The following TNMD variants were observed in gnomAD, a reference collection of about 807,000 sequenced individuals.
TNMD encodes tenomodulin.
TNMD carries 15 observed loss-of-function variants against 26.9 expected under a neutral mutation model. The observed-to-expected ratio is 0.56, with a 90% CI of 0.37 to 0.86. The LOEUF (loss-of-function observed/expected upper bound fraction) is 0.86, where lower values mean the gene tolerates loss of function less well. TNMD is among the 40% of genes least tolerant of loss of function. The pLI, the probability that TNMD is intolerant of heterozygous loss-of-function variation, is 0.00. For missense variants in TNMD, 222 were observed against 242.6 expected, an observed-to-expected ratio of 0.92 and a Z score of 0.56; for synonymous variants, 73 against 77.0, an observed-to-expected ratio of 0.95 and a Z score of 0.27.
intron 5 of TNMD, 167 bp downstream of exon 5, chrX:100,597,824 A>T (rs2082957279): frequency 2.0e-6 from 1 of 487,858 alleles, no homozygotes; most frequent in Non-Finnish European, 3.4e-6. Flanking sequence ...TTTCACAGCC[A>T]AGTTATAAAT....
rs1274078938 is a variant in TNMD at position 100,597,657 on chromosome X, G to A, written c.577G>A (p.Val193Ile). ...MYWINPTLIS[V>I]SELQDFEEEG... The stretch of plus-strand genomic sequence containing the variant: ...TTGGATCAATCCCACTCTAATATCA[G>A]GTATGACATTCTTATCCTCATCCTC... The change falls in exon 5 of 7, where the codon GTT becomes ATT. Residue 193 changes from valine to isoleucine, a missense_variant and splice_region_variant. Physicochemically the swap from Val to Ile is conservative, Grantham distance 29. Coordinates refer to ENST00000373031, the MANE Select transcript of TNMD (RefSeq NM_022144.3). The A allele has an allele frequency of 1.7e-6, 2 of 1,205,277 alleles. No individual in the cohort carries two copies. The highest frequency in any genetic ancestry group is 1.8e-5 in the South Asian group (1 of 56,755).
intron 2 of TNMD, among the ~76,000 whole-genome samples, chrX:100,591,172 ACTCT>A (rs904016730): frequency 2.7e-5 from 3 of 110,716 alleles, no homozygotes; most frequent in Admixed American, 9.6e-5. Flanking sequence ...CCAAAAATTA[ACTCT>A]CTCTATTTTC....
chrX:100,594,335 T>A lies in TNMD; in HGVS notation c.396T>A (p.Phe132Leu). 8.4e-7 allele frequency: 1 copy of A among 1,194,511 alleles called. No homozygotes were observed. The highest frequency in any genetic ancestry group is 1.1e-6 in the Non-Finnish European group (1 of 884,298). Residue 132 changes from phenylalanine (F) to leucine (L), a missense_variant, in exon 4 of 7, where the codon TTT becomes TTA. Coordinates refer to ENST00000373031, the MANE Select transcript of TNMD (RefSeq NM_022144.3). ...CTCAGATTAAAGTGATTCCTGAATTTTCTGAACCAGAAGAGGAAATAGATG... is the reference window on the plus strand; with the variant it reads ...CTCAGATTAAAGTGATTCCTGAATTATCTGAACCAGAAGAGGAAATAGATG... ...IKTQIKVIPEFSEPEEEIDEN... is the reference protein window; with the variant it reads ...IKTQIKVIPELSEPEEEIDEN...
At chrX:100,591,464 G>C (rs1397482083) in intron 2 of TNMD, among the ~76,000 whole-genome samples, 1 of 112,108 alleles carries the variant, frequency 8.9e-6, no homozygotes, top group Non-Finnish European at 1.9e-5. Flanking sequence ...ATACGGGCCA[G>C]TGAAGCTTGC....
intron 2 of TNMD, among the ~76,000 whole-genome samples, chrX:100,590,946 T>C (rs895544274): frequency 8.9e-6 from 1 of 111,807 alleles, no homozygotes; most frequent in Non-Finnish European, 1.9e-5. Context: ...TGCACTCAAA[T>C]TTTTAAACAG....
Position 100,597,619 on chromosome X carries a change from A to T in TNMD, c.539A>T (p.Asn180Ile). 8.3e-7 allele frequency: 1 copy of T among 1,211,103 alleles called. No homozygotes were observed. Among genetic ancestry groups the T allele is most frequent in the Non-Finnish European group, 1.1e-6 (1 of 894,811 alleles). ...KNSKILEICD[N>I]VTMYWINPTL... Reference sequence around the variant, plus strand: ...TCCAAAATTCTGGAGATTTGTGATAACGTGACCATGTATTGGATCAATCCC... The same window carrying T: ...TCCAAAATTCTGGAGATTTGTGATATCGTGACCATGTATTGGATCAATCCC... Residue 180 changes from asparagine (N) to isoleucine (I), a missense_variant, in exon 5 of 7, where the codon AAC becomes ATC. Transcript: ENST00000373031.
At chrX:100,596,916 G>A (rs1461709964) in intron 4 of TNMD, among the ~76,000 whole-genome samples, 2 of 112,160 alleles carry the variant, frequency 1.8e-5, no homozygotes, top group Non-Finnish European at 3.8e-5. Context: ...TAGTAGGAAG[G>A]CCAGTGAAGT....
intron 2 of TNMD, among the ~76,000 whole-genome samples, chrX:100,592,670 T>A (rs1164983076): frequency 1.8e-5 from 2 of 111,942 alleles, no homozygotes; most frequent in African/African-American, 6.5e-5. Flanking sequence ...TGGTTCCAAT[T>A]TGTTTTTCTC....
At chrX:100,593,163 T>C (rs1007588121) in intron 2 of TNMD, among the ~76,000 whole-genome samples, 1 of 111,731 alleles carries the variant, frequency 9.0e-6, no homozygotes, top group Non-Finnish European at 1.9e-5. Context: ...AAGAAAGACC[T>C]GATGAGCAGT....
At chrX:100,595,225 T>G (rs2359743) in intron 4 of TNMD, among the ~76,000 whole-genome samples, 41,644 of 110,476 alleles carry the variant, frequency 0.38, 5,799 homozygotes, top group East Asian at 0.69. Context: ...TAGTGCTTAG[T>G]TGCCAAATCT....
At chrX:100,598,396 GA>G (rs1281610397) in intron 5 of TNMD, among the ~76,000 whole-genome samples, 1 of 111,611 alleles carries the variant, frequency 9.0e-6, no homozygotes, top group Non-Finnish European at 1.9e-5. Flanking sequence ...TGCTGGAACA[GA>G]AAAAAACATT....
chrX:100,598,739 T>C (rs1392252702), intron 5 of TNMD, among the ~76,000 whole-genome samples: 1 of 112,483 alleles, frequency 8.9e-6, no homozygotes, highest in Non-Finnish European at 1.9e-5. Flanking sequence ...AGAAGTCCCT[T>C]GTCCTCAGTT....
chrX:100,586,008 T>C (rs1193684098), intron 2 of TNMD, among the ~76,000 whole-genome samples: 1 of 112,384 alleles, frequency 8.9e-6, no homozygotes, highest in Non-Finnish European at 1.9e-5. Context: ...AAGCTTCTGA[T>C]ACTGGGGTCA....
At chrX:100,589,855 G>A (rs1230316773) in intron 2 of TNMD, among the ~76,000 whole-genome samples, 2 of 111,620 alleles carry the variant, frequency 1.8e-5, no homozygotes, top group Non-Finnish European at 3.8e-5. Flanking sequence ...GCTTGTAAGT[G>A]GTGGGGTTAA....
intron 3 of TNMD, 43 bp from the exon 4 acceptor site, chrX:100,594,215 AGTG>A (rs774222415): frequency 7.7e-6 from 8 of 1,043,297 alleles, no homozygotes; most frequent in Non-Finnish European, 1.0e-5. Context: ...ACTTACTAAT[AGTG>A]GCTCTTTTGG....
chrX:100,591,947 C>T (rs958490117), intron 2 of TNMD, among the ~76,000 whole-genome samples: 9 of 111,195 alleles, frequency 8.1e-5, no homozygotes, highest in African/African-American at 2.6e-4. Flanking sequence ...TTCTAAATGT[C>T]ACCAGTAGGT....
chrX:100,593,560 T>A, intron 2 of TNMD: 1 of 163,214 alleles, frequency 6.1e-6, no homozygotes, highest in Non-Finnish European at 1.0e-5. Flanking sequence ...CTAATGAATT[T>A]CACGGGTGAG....
At chrX:100,586,728 T>C (rs1338802656) in intron 2 of TNMD, among the ~76,000 whole-genome samples, 1 of 111,627 alleles carries the variant, frequency 9.0e-6, no homozygotes, top group Non-Finnish European at 1.9e-5. Context: ...CTCCCCTTAC[T>C]GCTCCTTGCT....
chrX:100,588,153 TAA>T (rs1188631587), intron 2 of TNMD, among the ~76,000 whole-genome samples: 1 of 111,721 alleles, frequency 9.0e-6, no homozygotes, highest in African/African-American at 3.3e-5. Context: ...TCCATGCCAA[TAA>T]GTCCTTCTCC....
Sources: allele counts gnomAD v4.1 joint callset (sites outside exome capture counted in the v4.1 genomes callset), GRCh38; gene constraint gnomAD v4.1.1; transcripts MANE v1.5; gene names NCBI Gene and HGNC (gene_info 2026-07-23, HGNC 2026-07-21).